Variants in SOHLH2 observed in about 807,000 individuals in gnomAD.
The protein encoded by SOHLH2 is spermatogenesis- and oogenesis-specific basic helix-loop-helix-containing protein 2.
Under a neutral mutation model 50.4 loss-of-function variants are expected in SOHLH2, and 22 were observed. The observed-to-expected ratio is 0.44, with a 90% CI of 0.31 to 0.62. The LOEUF is 0.62. Among genes scored for constraint, SOHLH2 ranks in the 20% least tolerant of loss-of-function variants. SOHLH2 has a pLI of 0.08. For synonymous variants in SOHLH2, 185 were observed against 187.3 expected (o/e 0.99, Z 0.10); for missense variants, 412 against 504.4 (o/e 0.82, Z 1.76).
At chr13:36,205,339 C>T (rs1868691139) in intron 1 of SOHLH2, among the ~76,000 whole-genome samples, 1 of 151,992 alleles carries the variant, frequency 6.6e-6, no homozygotes, top group Non-Finnish European at 1.5e-5. Flanking sequence ...CTGTCTTGTT[C>T]CTGACTTTAG....
chr13:36,174,479 T>C lies in SOHLH2; in HGVS notation c.878A>G (p.Gln293Arg), dbSNP rs1312913674. Reference protein sequence around the residue: ...ELSLPGTVMAQRENSVMSTYS... With the variant: ...ELSLPGTVMARRENSVMSTYS... ...TTCGCAAAAGCCCTTATCATACCGC[T>C]GTGCCATGACAGTGCCTGGGAGAGA... Residue 293 changes from glutamine (Q) to arginine (R), a missense_variant, in exon 8 of 11, where the codon CAG becomes CGG. Physicochemically the swap from Gln to Arg is conservative, Grantham distance 43. Coordinates refer to ENST00000379881, the MANE Select transcript of SOHLH2 (RefSeq NM_017826.3). 2 of 1,613,874 alleles carry C rather than the reference T, an allele frequency of 1.2e-6. No individual in the cohort carries two copies. Among genetic ancestry groups the C allele is most frequent in the African/African-American group, 1.3e-5 (1 of 75,042 alleles).
At chr13:36,184,460 CTTTT>C (rs1229884029) in intron 6 of SOHLH2, among the ~76,000 whole-genome samples, 3 of 121,170 alleles carry the variant, frequency 2.5e-5, no homozygotes, top group South Asian at 5.9e-4. Context: ...CTACAAAGAC[CTTTT>C]TTTTTTTTTT....
chr13:36,202,965 A>G (rs1566045734), intron 1 of SOHLH2, among the ~76,000 whole-genome samples: 1 of 152,226 alleles, frequency 6.6e-6, no homozygotes, highest in Non-Finnish European at 1.5e-5. Context: ...TTCTCTTTTC[A>G]GCCTGGTTTC....
At chr13:36,184,460 C>CA (rs1491394333) in intron 6 of SOHLH2, among the ~76,000 whole-genome samples, 1 of 121,138 alleles carries the variant, frequency 8.3e-6, no homozygotes, top group African/African-American at 3.1e-5. Context: ...CTACAAAGAC[C>CA]TTTTTTTTTT....
In SOHLH2 at chr13:36,189,955, T is replaced by A; in HGVS notation, c.632A>T (p.Lys211Ile). 4 of 1,588,934 alleles carry A rather than the reference T, an allele frequency of 2.5e-6. No individual in the cohort carries two copies. Among genetic ancestry groups the A allele is most frequent in the Non-Finnish European group, 3.4e-6 (4 of 1,166,000 alleles). The change falls in exon 6 of 11, where the codon AAA becomes ATA. Residue 211 changes from lysine (K) to isoleucine (I), a missense_variant. Physicochemically the swap from Lys to Ile is moderately radical, Grantham distance 102. Coordinates refer to ENST00000379881, the MANE Select transcript of SOHLH2 (RefSeq NM_017826.3). Reference protein sequence around the residue: ...KISLLHSSKEKLRRERIKYCC... With the variant: ...KISLLHSSKEILRRERIKYCC... ...CTATATTAAAATTCACCTTCTTAGT[T>A]TTTCCTTGCTTGAATGAAGAAGAGA...
intron 4 of SOHLH2, among the ~76,000 whole-genome samples, chr13:36,193,273 A>G (rs939188228): frequency 3.9e-5 from 6 of 152,212 alleles, no homozygotes; most frequent in African/African-American, 1.4e-4. Flanking sequence ...GCACAATACA[A>G]TTGTAGGTTA....
intron 9 of SOHLH2, among the ~76,000 whole-genome samples, 160 bp downstream of exon 9, chr13:36,173,532 A>T (rs1887018125): frequency 6.6e-6 from 1 of 152,212 alleles, no homozygotes; most frequent in African/African-American, 2.4e-5. Flanking sequence ...CACTATTTAA[A>T]CAACTGTAGC....
intron 5 of SOHLH2, among the ~76,000 whole-genome samples, chr13:36,191,563 C>T (rs1887573706): frequency 1.3e-5 from 2 of 152,118 alleles, no homozygotes; most frequent in African/African-American, 4.8e-5. Flanking sequence ...GATCATATTC[C>T]CCAATGATGG....
chr13:36,185,742 T>C (rs1425501526), intron 6 of SOHLH2, among the ~76,000 whole-genome samples: 1 of 152,152 alleles, frequency 6.6e-6, no homozygotes, highest in African/African-American at 2.4e-5. Flanking sequence ...GTTAAACAAA[T>C]GTGACACTTA....
chr13:36,175,834 C>G (rs1887084214), intron 6 of SOHLH2, among the ~76,000 whole-genome samples: 1 of 152,042 alleles, frequency 6.6e-6, no homozygotes, highest in Non-Finnish European at 1.5e-5. Context: ...GGGAACTATT[C>G]TGGGAAGGGA....
intron 6 of SOHLH2, among the ~76,000 whole-genome samples, chr13:36,179,042 C>T (rs1887176350): frequency 6.6e-6 from 1 of 152,108 alleles, no homozygotes; most frequent in South Asian, 2.1e-4. Context: ...CCCAATCATG[C>T]CATCTACATA....
At chr13:36,174,983 A>G (rs889886925) in intron 6 of SOHLH2, 114 bp from the exon 7 acceptor site, 1 of 1,386,152 alleles carries the variant, frequency 7.2e-7, no homozygotes, top group Admixed American at 3.0e-5. Context: ...TCCCCTCCCT[A>G]TATAGTCTCC....
At chr13:36,180,530 C>T (rs370455959) in intron 6 of SOHLH2, among the ~76,000 whole-genome samples, 5 of 151,564 alleles carry the variant, frequency 3.3e-5, no homozygotes, top group African/African-American at 2.4e-5. Context: ...CATAGCTAGA[C>T]GTGTGCCATA....
rs769862985 is a variant in SOHLH2, at chr13:36,193,648, A to G, written c.403T>C (p.Tyr135His). The change falls in exon 4 of 11, where the codon TAC (tyrosine) becomes CAC (histidine). Residue 135 changes from tyrosine (Y) to histidine (H), a missense_variant. Coordinates refer to ENST00000379881, the MANE Select transcript of SOHLH2 (RefSeq NM_017826.3). Reference sequence around the variant, plus strand: ...GTGTTTGAGGGACATGTTGTCCAGTATTTTACCACATTACTCATTTTTTCC... The same window carrying G: ...GTGTTTGAGGGACATGTTGTCCAGTGTTTTACCACATTACTCATTTTTTCC... ...TMEKMSNVVK[Y>H]WTTCPSNTVK... is the part of the protein sequence containing the mutation. 35 of 1,611,886 alleles carry G rather than the reference A, an allele frequency of 2.2e-5. No homozygotes were observed. The South Asian group carries it at 3.5e-4, about 16-fold the overall frequency.
intron 7 of SOHLH2, 62 bp from the exon 8 acceptor site, chr13:36,174,629 A>T: frequency 6.2e-7 from 1 of 1,602,736 alleles, no homozygotes; most frequent in East Asian, 2.2e-5. Flanking sequence ...ACAAAGACAC[A>T]TACTTTCCAA....
intron 6 of SOHLH2, among the ~76,000 whole-genome samples, chr13:36,178,427 A>G (rs905807519): frequency 6.6e-6 from 1 of 152,166 alleles, no homozygotes. Flanking sequence ...TGAAAATCAA[A>G]TGACTATAAA....
chr13:36,181,968 G>A, intron 6 of SOHLH2: 3 of 856,286 alleles, frequency 3.5e-6, no homozygotes, highest in Non-Finnish European at 4.2e-6. Context: ...ACAAACAAGT[G>A]AAGAGTCTAA....
intron 2 of SOHLH2, among the ~76,000 whole-genome samples, chr13:36,194,497 C>G (rs1022682762): frequency 5.3e-5 from 8 of 152,016 alleles, no homozygotes; most frequent in Non-Finnish European, 8.8e-5. Flanking sequence ...CACTGGTGGG[C>G]AGGGGTGGGA....
intron 2 of SOHLH2, 41 bp downstream of exon 2, chr13:36,201,838 A>G (rs779088905): frequency 1.9e-6 from 3 of 1,593,978 alleles, no homozygotes; most frequent in Non-Finnish European, 2.6e-6. Context: ...TTTTTAAAAA[A>G]ATGATTCTAA....
Sources: allele counts gnomAD v4.1 joint callset (sites outside exome capture counted in the v4.1 genomes callset), GRCh38; gene constraint gnomAD v4.1.1; transcripts MANE v1.5; gene names NCBI Gene and HGNC (gene_info 2026-07-23, HGNC 2026-07-21).